Variants in NTM observed in about 807,000 individuals in gnomAD.
The protein encoded by NTM is IgLON family member 2.
NTM carries 13 observed loss-of-function variants against 42.1 expected under a neutral mutation model. The observed-to-expected ratio is 0.31, with a 90% CI of 0.20 to 0.49. The LOEUF (loss-of-function observed/expected upper bound fraction) is 0.49. Ranked by LOEUF, NTM falls within the 20% of genes least tolerant of loss-of-function variation. NTM has a pLI of 0.99. For missense variants in NTM, 373 were observed against 452.8 expected, an observed-to-expected ratio of 0.82 and a Z score of 1.60; for synonymous variants, 187 against 179.2, an observed-to-expected ratio of 1.04 and a Z score of -0.35.
intron 1 of NTM, among the ~76,000 whole-genome samples, chr11:131,696,743 T>A (rs753706156): frequency 7.6e-4 from 115 of 152,030 alleles, no homozygotes; most frequent in Non-Finnish European, 8.4e-4. Flanking sequence ...TGGTTTTATC[T>A]CTTGTTTCAC....
At chr11:131,433,962 A>T (rs1419338924) in intron 1 of NTM, among the ~76,000 whole-genome samples, 1 of 152,052 alleles carries the variant, frequency 6.6e-6, no homozygotes, top group East Asian at 1.9e-4. Flanking sequence ...CCAACCCCAC[A>T]ATAGGCACCG....
chr11:131,608,465 A>G (rs952888788), intron 1 of NTM, among the ~76,000 whole-genome samples: 11 of 152,168 alleles, frequency 7.2e-5, no homozygotes, highest in Admixed American at 2.0e-4. Context: ...AAAAACCTCA[A>G]TTAAGAAAGA....
chr11:132,177,184 CA>C (rs34000885), intron 3 of NTM, among the ~76,000 whole-genome samples: 12 of 152,212 alleles, frequency 7.9e-5, no homozygotes, highest in African/African-American at 2.6e-4. Flanking sequence ...ATTTTGCTGC[CA>C]AAAAGTAATT....
chr11:131,376,904 C>T (rs1033480201), intron 1 of NTM, among the ~76,000 whole-genome samples: 5 of 152,098 alleles, frequency 3.3e-5, no homozygotes, highest in Non-Finnish European at 7.4e-5. Flanking sequence ...CTACTACGTT[C>T]GGTGCACTGT....
At chr11:131,774,047 C>T in intron 1 of NTM, 1 of 983,718 alleles carries the variant, frequency 1.0e-6, no homozygotes, top group Non-Finnish European at 1.2e-6. Context: ...GTGTCATTGA[C>T]TTTGCCTTCC....
At chr11:132,267,094 G>A (rs955474774) in intron 4 of NTM, among the ~76,000 whole-genome samples, 14 of 152,146 alleles carry the variant, frequency 9.2e-5, no homozygotes, top group Admixed American at 1.3e-4. Context: ...ATAAGGACAA[G>A]CAGTATCTTA....
intron 1 of NTM, among the ~76,000 whole-genome samples, chr11:131,645,864 A>G (rs567123692): frequency 6.6e-6 from 1 of 152,318 alleles, no homozygotes; most frequent in Admixed American, 6.5e-5. Flanking sequence ...TTGAATCAAG[A>G]TCCTAACATC....
At chr11:132,331,123 C>A (rs1446774012) in intron 8 of NTM, among the ~76,000 whole-genome samples, 1 of 152,236 alleles carries the variant, frequency 6.6e-6, no homozygotes, top group Non-Finnish European at 1.5e-5. Flanking sequence ...ACTCTCTTCT[C>A]TTTATTCTCT....
At chr11:131,695,256 G>T (rs2075308885) in intron 1 of NTM, among the ~76,000 whole-genome samples, 2 of 146,370 alleles carry the variant, frequency 1.4e-5, no homozygotes, top group Non-Finnish European at 3.0e-5. Context: ...CAGGCACCCA[G>T]ATGCCACCTG....
chr11:131,762,850 T>C (rs1565515989), intron 1 of NTM, among the ~76,000 whole-genome samples: 1 of 152,166 alleles, frequency 6.6e-6, no homozygotes, highest in South Asian at 2.1e-4. Context: ...TGGCAGCCCA[T>C]GGCTCTGTCC....
intron 1 of NTM, among the ~76,000 whole-genome samples, chr11:131,769,988 G>T (rs1045103604): frequency 8.5e-5 from 13 of 152,146 alleles, no homozygotes; most frequent in African/African-American, 2.9e-4. Flanking sequence ...AAGTCCCCCA[G>T]GCTGACCAGT....
chr11:131,821,073 T>A (rs2093167729), intron 1 of NTM, among the ~76,000 whole-genome samples: 1 of 151,734 alleles, frequency 6.6e-6, no homozygotes, highest in Non-Finnish European at 1.5e-5. Flanking sequence ...TAGGGATTGG[T>A]AATCCCATTT....
chr11:132,213,508 G>A (rs1031353118), intron 4 of NTM, among the ~76,000 whole-genome samples: 10 of 151,968 alleles, frequency 6.6e-5, no homozygotes, highest in East Asian at 1.9e-4. Flanking sequence ...ACCAGCAGCC[G>A]GTCCTTCTGT....
intron 4 of NTM, among the ~76,000 whole-genome samples, chr11:132,281,417 AAT>A (rs1358819235): frequency 6.6e-6 from 1 of 152,226 alleles, no homozygotes; most frequent in Non-Finnish European, 1.5e-5. Flanking sequence ...GAAAGAGTTC[AAT>A]ATATACAAGT....
chr11:132,064,174 G>C (rs1037705338), intron 2 of NTM, among the ~76,000 whole-genome samples: 1 of 152,132 alleles, frequency 6.6e-6, no homozygotes, highest in African/African-American at 2.4e-5. Flanking sequence ...TTTGTGGGTT[G>C]CACACTCTCT....
chr11:132,247,992 G>A (rs886780645), intron 4 of NTM, among the ~76,000 whole-genome samples: 1 of 152,164 alleles, frequency 6.6e-6, no homozygotes, highest in African/African-American at 2.4e-5. Flanking sequence ...AGGCCCTAGA[G>A]AGAGCACCTG....
intron 1 of NTM, among the ~76,000 whole-genome samples, chr11:131,442,519 C>A (rs374435510): frequency 6.6e-6 from 1 of 152,100 alleles, no homozygotes; most frequent in Non-Finnish European, 1.5e-5. Flanking sequence ...ACCCATCAAC[C>A]AAATAGTGAA....
intron 1 of NTM, among the ~76,000 whole-genome samples, chr11:131,747,066 A>G (rs1170242101): frequency 6.6e-6 from 1 of 152,244 alleles, no homozygotes; most frequent in African/African-American, 2.4e-5. Flanking sequence ...ATATATGTTA[A>G]GATTATGATA....
At chr11:132,266,972 T>C (rs192035893) in intron 4 of NTM, among the ~76,000 whole-genome samples, 1 of 152,282 alleles carries the variant, frequency 6.6e-6, no homozygotes, top group African/African-American at 2.4e-5. Context: ...TCAGGGAAAG[T>C]TGGCGTATCA....
Sources: gnomAD v4.1 joint callset for allele counts (sites outside exome capture counted in the v4.1 genomes callset) on GRCh38, gnomAD v4.1.1 for gene constraint, MANE v1.5 for transcripts, NCBI Gene and HGNC (gene_info 2026-07-23, HGNC 2026-07-21) for gene names.